The following FAM210A variants were observed in gnomAD, a reference collection of about 807,000 sequenced individuals.
FAM210A encodes the protein family with sequence similarity 210 member A.
Under a neutral mutation model 25.3 loss-of-function variants are expected in FAM210A, and 13 were observed. The observed-to-expected ratio is 0.51, with a 90% confidence interval of 0.33 to 0.82. The LOEUF (loss-of-function observed/expected upper bound fraction) is 0.82, where lower values mean the gene tolerates loss of function less well. Ranked by LOEUF, FAM210A falls within the 40% of genes least tolerant of loss-of-function variation. The pLI is 0.02. For missense variants in FAM210A, 319 were observed against 323.2 expected (o/e 0.99, Z 0.10); for synonymous variants, 125 against 118.7 (o/e 1.05, Z -0.35).
At chr18:13,710,950 A>G (rs930796901) in intron 1 of FAM210A, among the ~76,000 whole-genome samples, 10 of 152,342 alleles carry the variant, frequency 6.6e-5, no homozygotes, top group African/African-American at 2.4e-4. Context: ...GGGCAGGAAG[A>G]ACCCACTGGG....
chr18:13,696,018 T>C (rs1200258021), intron 1 of FAM210A, among the ~76,000 whole-genome samples: 1 of 152,054 alleles, frequency 6.6e-6, no homozygotes, highest in Non-Finnish European at 1.5e-5. Context: ...CCAAAATAGG[T>C]AGTATAAACA....
At chr18:13,714,320 G>T (rs2043844362) in intron 1 of FAM210A, among the ~76,000 whole-genome samples, 1 of 152,288 alleles carries the variant, frequency 6.6e-6, no homozygotes, top group Admixed American at 6.5e-5. Context: ...AAGGCTGCAG[G>T]ATACCTTCGA....
intron 3 of FAM210A, among the ~76,000 whole-genome samples, chr18:13,670,286 T>C (rs1324745998): frequency 6.6e-6 from 1 of 152,236 alleles, no homozygotes; most frequent in East Asian, 1.9e-4. Flanking sequence ...ATCAGCATGA[T>C]AGTTTGACTT....
chr18:13,698,368 A>T (rs962097468), intron 1 of FAM210A, among the ~76,000 whole-genome samples: 5 of 151,570 alleles, frequency 3.3e-5, no homozygotes, highest in African/African-American at 1.2e-4. Flanking sequence ...AAAAAAAAAA[A>T]AAAATAAGAA....
intron 1 of FAM210A, chr18:13,714,953 A>C (rs2043848442): frequency 6.6e-6 from 1 of 152,176 alleles, no homozygotes; most frequent in African/African-American, 2.4e-5. Flanking sequence ...TAAGTTCTTC[A>C]AGAAATTCCT....
At chr18:13,702,986 A>G (rs955020246) in intron 1 of FAM210A, among the ~76,000 whole-genome samples, 1 of 151,900 alleles carries the variant, frequency 6.6e-6, no homozygotes, top group African/African-American at 2.4e-5. Context: ...AGTCAGCTTA[A>G]TTACAAGCAG....
intron 2 of FAM210A, among the ~76,000 whole-genome samples, chr18:13,677,175 C>T (rs980623856): frequency 6.6e-6 from 1 of 151,820 alleles, no homozygotes; most frequent in African/African-American, 2.4e-5. Context: ...CCCGAGTTCA[C>T]GCCATTCTCC....
chr18:13,681,647 G>A lies in FAM210A; in HGVS notation c.431C>T (p.Thr144Ile), dbSNP rs769569086. 5 of 1,612,260 alleles carry A rather than the reference G, an allele frequency of 3.1e-6. No individual in the cohort carries two copies. The highest frequency in any genetic ancestry group is 4.2e-6 in the Non-Finnish European group (5 of 1,179,500). Residue 144 changes from threonine (T) to isoleucine (I), a missense_variant, in exon 2 of 4, where the codon ACT (threonine) becomes ATT (isoleucine). By Grantham distance (89) the Thr-to-Ile change is moderately conservative. Coordinates refer to ENST00000651643, the MANE Select transcript of FAM210A (RefSeq NM_152352.4). ...GKVLIPVHLITSGVWFGTFYY... is the reference protein window; with the variant it reads ...GKVLIPVHLIISGVWFGTFYY... Reference sequence around the variant, plus strand: ...AAATGTTCCAAACCAAACACCAGAAGTTATTAGATGCACTGGAATCAGAAC... The same window carrying A: ...AAATGTTCCAAACCAAACACCAGAAATTATTAGATGCACTGGAATCAGAAC...
At chr18:13,716,681 T>C (rs533091145) in intron 1 of FAM210A, among the ~76,000 whole-genome samples, 1 of 152,244 alleles carries the variant, frequency 6.6e-6, no homozygotes, top group South Asian at 2.1e-4. Context: ...GCTGATCTCA[T>C]GATAGGGAGT....
chr18:13,710,970 T>C (rs1200469841), intron 1 of FAM210A, among the ~76,000 whole-genome samples: 1 of 152,230 alleles, frequency 6.6e-6, no homozygotes, highest in African/African-American at 2.4e-5. Context: ...GCAATTACAC[T>C]ACTGGCTTCT....
intron 1 of FAM210A, chr18:13,687,699 T>G (rs2043608944): frequency 6.6e-6 from 1 of 152,184 alleles, no homozygotes; most frequent in Non-Finnish European, 1.5e-5. Flanking sequence ...TGGAAGTGGG[T>G]CAGCCTATAA....
intron 1 of FAM210A, among the ~76,000 whole-genome samples, chr18:13,688,529 A>G (rs1255979373): frequency 6.6e-6 from 1 of 152,064 alleles, no homozygotes; most frequent in African/African-American, 2.4e-5. Context: ...AGCTTTCATC[A>G]CTCAATAAAA....
At chr18:13,691,540 A>T (rs925127620) in intron 1 of FAM210A, among the ~76,000 whole-genome samples, 4 of 152,334 alleles carry the variant, frequency 2.6e-5, no homozygotes, top group Middle Eastern at 3.4e-3. Flanking sequence ...GAAGCCCATC[A>T]GACTAACAGC....
rs2043387057 is a variant in FAM210A at position 13,664,853 on chromosome 18, C to T, written c.*1627G>A. ...TCCCTGCGGGACTGTGTGGCAAACC[C>T]AGACATTCTCTCGCCTTAGCAGATA... On this transcript the variant is annotated 3_prime_UTR_variant, in exon 4 of 4. Coordinates refer to ENST00000651643, the MANE Select transcript of FAM210A (RefSeq NM_152352.4). 6.6e-6 allele frequency: 1 copy of T among 152,186 alleles called. No homozygotes were observed. The highest frequency in any genetic ancestry group is 2.4e-5 in the African/African-American group (1 of 41,436). The allele number at this position is 152,186 out of a possible 1,614,324, so 9.4% of individuals were successfully genotyped here.
At chr18:13,703,813 C>G (rs2043758801) in intron 1 of FAM210A, among the ~76,000 whole-genome samples, 1 of 152,124 alleles carries the variant, frequency 6.6e-6, no homozygotes, top group Non-Finnish European at 1.5e-5. Flanking sequence ...GTTCACATAA[C>G]TTTAGTGATC....
intron 1 of FAM210A, among the ~76,000 whole-genome samples, chr18:13,703,454 T>C (rs2043756416): frequency 6.6e-6 from 1 of 152,238 alleles, no homozygotes; most frequent in Non-Finnish European, 1.5e-5. Context: ...TTGCACTGTC[T>C]TTTCCAATAG....
chr18:13,722,623 A>G (rs2043906185), intron 1 of FAM210A, among the ~76,000 whole-genome samples: 1 of 152,066 alleles, frequency 6.6e-6, no homozygotes, highest in African/African-American at 2.4e-5. Context: ...TTCCTTCCCA[A>G]TCAATGCCCT....
intron 1 of FAM210A, among the ~76,000 whole-genome samples, chr18:13,713,854 C>T (rs1482319681): frequency 6.6e-6 from 1 of 152,188 alleles, no homozygotes; most frequent in Non-Finnish European, 1.5e-5. Flanking sequence ...ATCCTCCTGC[C>T]TCTGCCTCTC....
In FAM210A at chr18:13,665,186, CCTGG is replaced by C. The variant is rs1439444944; in HGVS notation, c.*1290_*1293del. ...GCTGAGGTCAGGAGTTGGAGACTAG[CCTGG>C]CTAACATGGTGAAACTCCACCTCCA... On this transcript the variant is annotated 3_prime_UTR_variant, in exon 4 of 4. Coordinates refer to ENST00000651643, the MANE Select transcript of FAM210A (RefSeq NM_152352.4). 2.0e-5 allele frequency: 3 copies of C among 151,840 alleles called. No homozygotes were observed. The highest frequency in any genetic ancestry group is 7.3e-5 in the African/African-American group (3 of 41,298). The allele number at this position is 151,840 out of a possible 1,614,324, so 9.4% of individuals were successfully genotyped here. A position where few individuals can be genotyped will look rare whatever the true frequency, so the allele number is the denominator to read the frequency against.
Sources: gnomAD v4.1 joint callset for allele counts (sites outside exome capture counted in the v4.1 genomes callset) on GRCh38, gnomAD v4.1.1 for gene constraint, MANE v1.5 for transcripts, NCBI Gene and HGNC (gene_info 2026-07-23, HGNC 2026-07-21) for gene names.